Variants in PDE10A observed in about 807,000 individuals in gnomAD.
PDE10A encodes cAMP and cAMP-inhibited cGMP 3',5'-cyclic phosphodiesterase 10A.
In PDE10A, 39 loss-of-function variants were observed where a neutral mutation model predicts 97.7. That is an observed-to-expected ratio of 0.40 (90% CI 0.31 to 0.52). The LOEUF (loss-of-function observed/expected upper bound fraction) is 0.52, where lower values mean the gene tolerates loss of function less well. PDE10A is among the 20% of genes least tolerant of loss of function. PDE10A has a pLI of 0.56. For synonymous variants in PDE10A, 371 were observed against 376.8 expected (o/e 0.98, Z 0.18); for missense variants, 731 against 1,047.8 (o/e 0.70, Z 4.17).
chr6:165,687,584 T>G (rs2128440907), intron 1 of PDE10A, among the ~76,000 whole-genome samples: 1 of 152,312 alleles, frequency 6.6e-6, no homozygotes, highest in East Asian at 1.9e-4. Context: ...AAGGAGCAAC[T>G]GAAAAACGAT....
chr6:165,746,346 C>A lies in PDE10A; in HGVS notation c.-614-202778G>T, dbSNP rs145067254. 4.4e-3 allele frequency among the ~76,000 whole-genome samples: 665 copies of A among 152,304 alleles called. 7 individuals carry two copies. Among genetic ancestry groups the A allele is most frequent in the African/African-American group, 0.015 (635 of 41,538 alleles). ...TACATTTATTGACTCTTTCAAGATTCTATCAAAGATTATTTTGTGCCAGGT... is the reference window on the plus strand; with the variant it reads ...TACATTTATTGACTCTTTCAAGATTATATCAAAGATTATTTTGTGCCAGGT... On this transcript the variant is annotated intron_variant, in intron 1 of 19. Transcript: ENST00000366882.
At chr6:165,419,080 T>C (rs546508550) in intron 10 of PDE10A, among the ~76,000 whole-genome samples, 129 of 152,290 alleles carry the variant, frequency 8.5e-4, no homozygotes, top group Non-Finnish European at 1.2e-3. Flanking sequence ...TCTGTTTTAG[T>C]TGGTAAGCAG....
chr6:165,473,203 A>G (rs1779110685), intron 3 of PDE10A, among the ~76,000 whole-genome samples: 1 of 152,198 alleles, frequency 6.6e-6, no homozygotes, highest in Non-Finnish European at 1.5e-5. Flanking sequence ...ACAGAAATCA[A>G]AATAATATGT....
At chr6:165,915,586 C>T (rs573976017) in intron 1 of PDE10A, among the ~76,000 whole-genome samples, 13 of 152,302 alleles carry the variant, frequency 8.5e-5, no homozygotes, top group Middle Eastern at 3.4e-3. Context: ...CTCTTCATTA[C>T]TGTCTTCCTT....
rs527339408 is a variant in PDE10A at position 165,337,433 on chromosome 6, T to C, written c.2977-1222A>G. The stretch of plus-strand genomic sequence containing the variant: ...TATTCCTTTTTGCTTTCTCCTGTTA[T>C]AAAGTCTATCGTCATAGCACTCTTA... On this transcript the variant is annotated intron_variant, in intron 20 of 21. Transcript: ENST00000539869. Among the ~76,000 whole-genome samples the C allele has an allele frequency of 2.6e-5, 4 of 152,362 alleles. No individual in the cohort carries two copies. The East Asian group carries it at 7.7e-4, about 29-fold the overall frequency.
intron 1 of PDE10A, among the ~76,000 whole-genome samples, chr6:165,967,552 G>A (rs895939445): frequency 1.3e-5 from 2 of 152,130 alleles, no homozygotes; most frequent in African/African-American, 2.4e-5. Flanking sequence ...CGTATCTATG[G>A]TTTTTTCTTA....
At chr6:165,783,439 T>A (rs1778399346) in intron 1 of PDE10A, among the ~76,000 whole-genome samples, 1 of 152,202 alleles carries the variant, frequency 6.6e-6, no homozygotes, top group South Asian at 2.1e-4. Context: ...ATAGAAGGAA[T>A]GAATAAAATT....
chr6:165,920,976 T>C (rs555296813), intron 1 of PDE10A, among the ~76,000 whole-genome samples: 1 of 152,332 alleles, frequency 6.6e-6, no homozygotes, highest in South Asian at 2.1e-4. Context: ...GTGAAAATAC[T>C]CCAAAGACTC....
intron 1 of PDE10A, among the ~76,000 whole-genome samples, chr6:165,962,719 A>G (rs1460289623): frequency 6.6e-6 from 1 of 152,240 alleles, no homozygotes; most frequent in Non-Finnish European, 1.5e-5. Flanking sequence ...AGCAGAGGCG[A>G]AAGATTAACT....
At chr6:165,565,355 A>G (rs1784723762) in intron 1 of PDE10A, among the ~76,000 whole-genome samples, 1 of 152,206 alleles carries the variant, frequency 6.6e-6, no homozygotes, top group African/African-American at 2.4e-5. Flanking sequence ...TTGCACTAGC[A>G]CTCAAAAAAT....
intron 1 of PDE10A, among the ~76,000 whole-genome samples, chr6:165,836,774 C>T (rs1780073791): frequency 6.6e-6 from 1 of 151,790 alleles, no homozygotes; most frequent in African/African-American, 2.4e-5. Flanking sequence ...TGAATTCCCC[C>T]AAAGCTTAAG....
intron 1 of PDE10A, among the ~76,000 whole-genome samples, chr6:165,786,979 C>T (rs1778514584): frequency 1.3e-5 from 2 of 152,042 alleles, no homozygotes; most frequent in East Asian, 1.9e-4. Flanking sequence ...TTCTTTGCTT[C>T]ATTCCAGAAA....
intron 1 of PDE10A, among the ~76,000 whole-genome samples, chr6:165,795,815 C>G (rs901785267): frequency 2.6e-5 from 4 of 152,118 alleles, no homozygotes; most frequent in Non-Finnish European, 4.4e-5. Flanking sequence ...GTTCATCACT[C>G]TCCTACCCCT....
chr6:165,400,119 C>T (rs182818803), intron 13 of PDE10A, among the ~76,000 whole-genome samples: 50 of 152,096 alleles, frequency 3.3e-4, no homozygotes, highest in African/African-American at 1.2e-3. Flanking sequence ...AACCAAATAT[C>T]CAAGAGCAAT....
At chr6:165,599,712 A>C (rs1309216486) in intron 1 of PDE10A, among the ~76,000 whole-genome samples, 2 of 152,158 alleles carry the variant, frequency 1.3e-5, no homozygotes. Context: ...CTCACCATAT[A>C]ATGTTGCCAT....
At chr6:165,427,370 C>T (rs1225599327) in intron 10 of PDE10A, among the ~76,000 whole-genome samples, 1 of 152,010 alleles carries the variant, frequency 6.6e-6, no homozygotes, top group South Asian at 2.1e-4. Flanking sequence ...AGGCACAAAA[C>T]GCTACATATT....
intron 1 of PDE10A, among the ~76,000 whole-genome samples, chr6:165,551,050 C>A (rs771870758): frequency 1.3e-5 from 2 of 152,042 alleles, no homozygotes; most frequent in African/African-American, 4.8e-5. Context: ...TAAAAGAAAA[C>A]GTATCTTGTG....
chr6:165,456,874 T>C (rs1348975388), intron 3 of PDE10A, among the ~76,000 whole-genome samples: 1 of 152,236 alleles, frequency 6.6e-6, no homozygotes, highest in African/African-American at 2.4e-5. Flanking sequence ...AATTTCTATA[T>C]TGACATATTA....
At chr6:165,726,172 C>T (rs1205563758) in intron 1 of PDE10A, among the ~76,000 whole-genome samples, 1 of 152,048 alleles carries the variant, frequency 6.6e-6, no homozygotes, top group Non-Finnish European at 1.5e-5. Flanking sequence ...AAGGGGTTTC[C>T]GGGAGCAAGA....
Sources: gnomAD v4.1 joint callset for allele counts (sites outside exome capture counted in the v4.1 genomes callset) on GRCh38, gnomAD v4.1.1 for gene constraint, MANE v1.5 for transcripts, NCBI Gene and HGNC (gene_info 2026-07-23, HGNC 2026-07-21) for gene names.